Variants in TP73 observed in about 807,000 individuals in gnomAD.
TP73 encodes the protein p53-like transcription factor.
Under a neutral mutation model 62.5 loss-of-function variants are expected in TP73, and 25 were observed. That is an observed-to-expected ratio of 0.40 (90% confidence interval 0.29 to 0.56). TP73 has a LOEUF of 0.56. TP73 is among the 20% of genes least tolerant of loss of function. The probability of loss-of-function intolerance (pLI) is 0.46; values close to 1 mark genes in which losing one functional copy is unlikely to be tolerated. For synonymous variants in TP73, 423 were observed against 377.5 expected, an observed-to-expected ratio of 1.12 and a Z score of -1.40; for missense variants, 754 against 913.3, an observed-to-expected ratio of 0.83 and a Z score of 2.25.
intron 3 of TP73, among the ~76,000 whole-genome samples, chr1:3,705,912 A>T (rs939314837): frequency 2.6e-5 from 4 of 152,252 alleles, no homozygotes; most frequent in Admixed American, 2.6e-4. Flanking sequence ...GGGTCACTAA[A>T]CCCAACCACC....
chr1:3,733,868 G>A lies in TP73; in HGVS notation c.*789G>A, dbSNP rs1376846994. 3 of 151,564 alleles carry A rather than the reference G, an allele frequency of 2.0e-5. No individual in the cohort carries two copies. The highest frequency in any genetic ancestry group is 2.1e-4 in the South Asian group (1 of 4,812). The allele number at this position is 151,564 out of a possible 1,614,324, so 9.4% of individuals were successfully genotyped here. A position where few individuals can be genotyped will look rare whatever the true frequency, so the allele number is the denominator to read the frequency against. ...GGGACAGCCTGTCCTTAGAGGACTG[G>A]AAATTGTCAATATTTGATAAAATGA... On this transcript the variant is annotated 3_prime_UTR_variant, in exon 14 of 14. Transcript: ENST00000378295.
intron 3 of TP73, chr1:3,690,892 C>T (rs772622108): frequency 5.7e-6 from 9 of 1,571,964 alleles, no homozygotes; most frequent in Admixed American, 5.5e-5. Context: ...TGTGCAGACC[C>T]CCCGGCGCCT....
rs1382020593 is a variant in TP73 at position 3,666,855 on chromosome 1, T to C, written c.-34+14214T>C. Among the ~76,000 whole-genome samples, 1 of 152,116 alleles carries C rather than the reference T, an allele frequency of 6.6e-6. No homozygotes were observed. The highest frequency in any genetic ancestry group is 1.5e-5 in the Non-Finnish European group (1 of 68,020). The stretch of plus-strand genomic sequence containing the variant: ...AGGGCTCAGAAAAGATGTTTTTCAA[T>C]GAGGGACATTTATGGTTGGCAAAAA... On this transcript the variant is annotated intron_variant, in intron 1 of 13. Transcript: ENST00000378295. The surrounding 1 kb of genome is among the most constrained non-coding windows in gnomAD (Gnocchi z 6.4).
intron 1 of TP73, among the ~76,000 whole-genome samples, chr1:3,661,884 T>C (rs973357009): frequency 2.8e-4 from 41 of 148,296 alleles, no homozygotes; most frequent in African/African-American, 9.8e-4. Context: ...ATTTTTTATT[T>C]TATTTTTTAT....
chr1:3,730,893 G>GCTGCCCTGATGGCCCCACCTGC, intron 11 of TP73, 34 bp from the exon 12 acceptor site: 1 of 1,562,726 alleles, frequency 6.4e-7, no homozygotes. Flanking sequence ...GCCCAGCCTG[G>GCTGCCCTGATGGCCCCACCTGC]CTGCCCTGAT....
intron 3 of TP73, chr1:3,698,203 A>T (rs766908646): frequency 2.3e-6 from 2 of 865,936 alleles, no homozygotes; most frequent in Non-Finnish European, 1.4e-6. Flanking sequence ...AGGACACAGG[A>T]TGTCAGGGCT....
chr1:3,664,042 G>A lies in TP73; in HGVS notation c.-34+11401G>A, dbSNP rs113155096. Among the ~76,000 whole-genome samples the A allele has an allele frequency of 7.2e-5, 11 of 152,300 alleles. 1 individual carries two copies. The highest frequency in any genetic ancestry group is 1.7e-4 in the African/African-American group (7 of 41,578). ...ACTGCTGTATCCCCACTGTGAGCTCGATCTGAGCTGCCTATGGGACCACAC... is the reference window on the plus strand; with the variant it reads ...ACTGCTGTATCCCCACTGTGAGCTCAATCTGAGCTGCCTATGGGACCACAC... On this transcript the variant is annotated intron_variant, in intron 1 of 13. Coordinates refer to ENST00000378295, the MANE Select transcript of TP73 (RefSeq NM_005427.4).
chr1:3,674,807 C>T (rs1645326475), intron 1 of TP73, among the ~76,000 whole-genome samples: 1 of 152,216 alleles, frequency 6.6e-6, no homozygotes, highest in Non-Finnish European at 1.5e-5. Flanking sequence ...TCTGATGACG[C>T]CCTGCAGGAA....
At position 3,733,040 on chromosome 1, in the gene TP73, G is replaced by A. The variant is rs370562666; in HGVS notation, c.1872G>A (p.Gln624=). ...FDLPDCKARK[Q]PIKEEFTEAE... Reference sequence around the variant, plus strand: ...TGCCCGACTGCAAGGCCCGCAAGCAGCCCATCAAGGAGGAGTTCACGGAGG... The same window carrying A: ...TGCCCGACTGCAAGGCCCGCAAGCAACCCATCAAGGAGGAGTTCACGGAGG... The change falls in exon 14 of 14, where the codon CAG becomes CAA. Residue 624 remains glutamine, a synonymous_variant. Transcript: ENST00000378295. The A allele has an allele frequency of 1.7e-5, 26 of 1,544,066 alleles. No individual in the cohort carries two copies. Among genetic ancestry groups the A allele is most frequent in the Non-Finnish European group, 2.2e-5 (25 of 1,149,482 alleles).
In TP73 at chr1:3,730,932, G is replaced by A. The variant is rs747224214; in HGVS notation, c.1351G>A (p.Gly451Arg). 19 of 1,604,698 alleles carry A rather than the reference G, an allele frequency of 1.2e-5. No individual in the cohort carries two copies. Among genetic ancestry groups the A allele is most frequent in the Middle Eastern group, 1.7e-4 (1 of 5,924 alleles). ...CCCACCTGCCTCTCACCCAGGCCCCGGGATGCTCAACAACCATGGCCACGC... is the reference window on the plus strand; with the variant it reads ...CCCACCTGCCTCTCACCCAGGCCCCAGGATGCTCAACAACCATGGCCACGC... ...ATPNLGPVGP[G>R]MLNNHGHAVP... The change falls in exon 12 of 14, where the codon GGG (glycine) becomes AGG (arginine). Residue 451 changes from glycine (G) to arginine (R), a missense_variant. Physicochemically the swap from Gly to Arg is moderately radical, Grantham distance 125 (BLOSUM62 -2). Transcript: ENST00000378295.
intron 1 of TP73, among the ~76,000 whole-genome samples, chr1:3,674,477 C>T (rs923797244): frequency 2.6e-5 from 4 of 152,240 alleles, no homozygotes; most frequent in East Asian, 1.9e-4. Context: ...GGCTCTCAGC[C>T]GCATCCTCCT....
intron 1 of TP73, among the ~76,000 whole-genome samples, chr1:3,656,729 C>A (rs986874476): frequency 6.6e-6 from 1 of 152,220 alleles, no homozygotes; most frequent in African/African-American, 2.4e-5. Flanking sequence ...CACCTAGGAC[C>A]GTGGAACATT....
At chr1:3,659,617 C>T (rs1644946729) in intron 1 of TP73, among the ~76,000 whole-genome samples, 1 of 152,110 alleles carries the variant, frequency 6.6e-6, no homozygotes, top group African/African-American at 2.4e-5. Flanking sequence ...TGGCTTTCTA[C>T]TGAAATATAT....
At chr1:3,695,799 G>T (rs1006247711) in intron 3 of TP73, among the ~76,000 whole-genome samples, 1 of 152,212 alleles carries the variant, frequency 6.6e-6, no homozygotes, top group Non-Finnish European at 1.5e-5. Context: ...ATAGACCACA[G>T]GGGGGCAGGG....
chr1:3,714,783 G>A (rs1456822536), intron 4 of TP73, among the ~76,000 whole-genome samples: 1 of 152,224 alleles, frequency 6.6e-6, no homozygotes, highest in Non-Finnish European at 1.5e-5. Flanking sequence ...GGCATTCCGG[G>A]GCCCTCTGCA....
chr1:3,719,710 A>G (rs1640899712), intron 4 of TP73, among the ~76,000 whole-genome samples: 1 of 152,086 alleles, frequency 6.6e-6, no homozygotes, highest in African/African-American at 2.4e-5. Flanking sequence ...GGCATTTGTA[A>G]TGGTGGGGAC....
chr1:3,654,400 G>A (rs553252269), intron 1 of TP73, among the ~76,000 whole-genome samples: 2 of 152,294 alleles, frequency 1.3e-5, no homozygotes, highest in African/African-American at 2.4e-5. Context: ...AAGGCCAGTC[G>A]CATGGAGAAG....
chr1:3,691,701 C>T (rs1355122775), intron 3 of TP73, among the ~76,000 whole-genome samples: 2 of 152,226 alleles, frequency 1.3e-5, no homozygotes, highest in African/African-American at 4.8e-5. Flanking sequence ...CTCGGCACAG[C>T]TGCTCCACGT....
intron 1 of TP73, among the ~76,000 whole-genome samples, chr1:3,674,890 C>T (rs1383754664): frequency 6.6e-6 from 1 of 152,246 alleles, no homozygotes; most frequent in Non-Finnish European, 1.5e-5. Flanking sequence ...TTCTGGTGCG[C>T]TGACCGCCCG....
Sources: gnomAD v4.1 joint callset for allele counts (sites outside exome capture counted in the v4.1 genomes callset) on GRCh38, gnomAD v4.1.1 for gene constraint, Gnocchi (gnomAD v3.1) non-coding constraint, MANE v1.5 for transcripts, NCBI Gene and HGNC (gene_info 2026-07-23, HGNC 2026-07-21) for gene names.